Variants in AUTS2 observed in about 807,000 individuals in gnomAD.
The protein encoded by AUTS2 is activator of transcription and developmental regulator AUTS2, also known as autism susceptibility gene 2 protein.
A neutral mutation model predicts 112.4 loss-of-function variants in AUTS2; 17 were observed. The ratio of observed to expected loss-of-function variants is 0.15; its 90% confidence interval spans 0.10 to 0.23. The LOEUF is 0.23. AUTS2 is among the 10% of genes least tolerant of loss of function. The probability of loss-of-function intolerance (pLI) is 1.00; values close to 1 mark genes in which losing one functional copy is unlikely to be tolerated. For missense variants in AUTS2, 1,510 were observed against 1,701.6 expected (o/e 0.89, Z 1.98); for synonymous variants, 751 against 702.7 (o/e 1.07, Z -1.09).
chr7:69,913,381 A>G (rs2129542055), intron 2 of AUTS2, among the ~76,000 whole-genome samples: 1 of 152,334 alleles, frequency 6.6e-6, no homozygotes, highest in Middle Eastern at 3.4e-3. Flanking sequence ...AATAAGCATT[A>G]ATCAGGACTT....
intron 5 of AUTS2, among the ~76,000 whole-genome samples, chr7:70,479,909 C>T (rs575899049): frequency 4.6e-5 from 7 of 152,294 alleles, no homozygotes; most frequent in Admixed American, 1.3e-4. Flanking sequence ...TAGACGATAA[C>T]GAGGGTGATA....
At chr7:69,787,958 C>G (rs1481362199) in intron 1 of AUTS2, among the ~76,000 whole-genome samples, 1 of 152,178 alleles carries the variant, frequency 6.6e-6, no homozygotes, top group Non-Finnish European at 1.5e-5. Context: ...ACAGATTTTT[C>G]AGAGGGGCAT....
chr7:70,079,763 G>A (rs765759289), intron 2 of AUTS2, among the ~76,000 whole-genome samples: 2 of 152,048 alleles, frequency 1.3e-5, no homozygotes, highest in Non-Finnish European at 2.9e-5. Flanking sequence ...TTGGTAAACA[G>A]GATGTCTTAT....
chr7:70,784,793 T>C (rs1455626058), intron 15 of AUTS2, 149 bp from the exon 16 acceptor site: 6 of 544,844 alleles, frequency 1.1e-5, no homozygotes, highest in Non-Finnish European at 2.0e-5. Context: ...TCTTTTACCC[T>C]GTGTCTTGCC....
intron 4 of AUTS2, among the ~76,000 whole-genome samples, chr7:70,377,352 A>T (rs1358793426): frequency 3.4e-5 from 4 of 117,268 alleles, no homozygotes; most frequent in Non-Finnish European, 5.4e-5. Flanking sequence ...ATATATATAT[A>T]TATATATATA....
intron 5 of AUTS2, among the ~76,000 whole-genome samples, chr7:70,660,381 G>A (rs1807006946): frequency 6.6e-6 from 1 of 152,080 alleles, no homozygotes; most frequent in Non-Finnish European, 1.5e-5. Context: ...GGGCCCGGTC[G>A]CCATCTGTGT....
At chr7:70,016,946 G>A (rs1385248131) in intron 2 of AUTS2, among the ~76,000 whole-genome samples, 1 of 152,228 alleles carries the variant, frequency 6.6e-6, no homozygotes, top group Admixed American at 6.5e-5. Context: ...GGGATTACAG[G>A]CGTGAGCCAC....
At chr7:70,219,897 A>G (rs1162261184) in intron 4 of AUTS2, among the ~76,000 whole-genome samples, 1 of 152,120 alleles carries the variant, frequency 6.6e-6, no homozygotes, top group Non-Finnish European at 1.5e-5. Flanking sequence ...AGATCAAAGT[A>G]TGCATCAAAA....
chr7:70,301,927 G>A (rs919646264), intron 4 of AUTS2, among the ~76,000 whole-genome samples: 2 of 137,036 alleles, frequency 1.5e-5, no homozygotes, highest in Non-Finnish European at 3.1e-5. Flanking sequence ...CCTGTGTTTT[G>A]TTTTTTGTGG....
rs539327038 is a variant in AUTS2 at position 70,562,813 on chromosome 7, C to T, written c.690+127032C>T. On this transcript the variant is annotated intron_variant, in intron 5 of 18. Transcript: ENST00000342771. ...CAGTTGGAATAACTATAGGTGTTTACCTGGGGAATGAATGAATGAATGGAC... is the reference window on the plus strand; with the variant it reads ...CAGTTGGAATAACTATAGGTGTTTATCTGGGGAATGAATGAATGAATGGAC... 7.4e-4 allele frequency among the ~76,000 whole-genome samples: 113 copies of T among 152,208 alleles called. 1 individual carries two copies. In the South Asian group the frequency reaches 0.023, roughly 31 times the overall value.
At chr7:70,617,494 C>G (rs944886176) in intron 5 of AUTS2, among the ~76,000 whole-genome samples, 1 of 152,016 alleles carries the variant, frequency 6.6e-6, no homozygotes, top group Non-Finnish European at 1.5e-5. Flanking sequence ...AACCCCGTTT[C>G]TACCAAAAAT....
chr7:70,118,990 ATTT>A (rs397889485), intron 3 of AUTS2: 6 of 119,050 alleles, frequency 5.0e-5, no homozygotes, highest in Non-Finnish European at 5.2e-5. Flanking sequence ...ATATATCAGC[ATTT>A]TTTTTTTTTT....
At chr7:69,873,228 C>G (rs1793583353) in intron 1 of AUTS2, among the ~76,000 whole-genome samples, 2 of 152,118 alleles carry the variant, frequency 1.3e-5, no homozygotes, top group African/African-American at 2.4e-5. Context: ...TAACAGAGTG[C>G]AGTGCTTCAC....
intron 5 of AUTS2, among the ~76,000 whole-genome samples, chr7:70,664,705 A>G (rs1042152284): frequency 6.6e-6 from 1 of 152,198 alleles, no homozygotes; most frequent in Non-Finnish European, 1.5e-5. Context: ...CAGAGACACC[A>G]TGGATGCTGC....
intron 4 of AUTS2, among the ~76,000 whole-genome samples, chr7:70,433,416 C>T (rs1795755096): frequency 6.6e-6 from 1 of 152,170 alleles, no homozygotes; most frequent in African/African-American, 2.4e-5. Flanking sequence ...TTGAATTGAG[C>T]GTTGTCACTC....
chr7:69,956,850 G>A (rs12154427), intron 2 of AUTS2, among the ~76,000 whole-genome samples: 2,417 of 152,032 alleles, frequency 0.016, 23 homozygotes, highest in Middle Eastern at 0.031. Context: ...TTGGCAAAGA[G>A]AACAAGTGGT....
chr7:70,261,592 A>T (rs1378817066), intron 4 of AUTS2, among the ~76,000 whole-genome samples: 1 of 152,174 alleles, frequency 6.6e-6, no homozygotes, highest in East Asian at 1.9e-4. Context: ...TCTCTCTCTC[A>T]TGTATATCCT....
At chr7:70,777,202 A>T in intron 14 of AUTS2, 28 bp downstream of exon 14, 1 of 1,600,564 alleles carries the variant, frequency 6.2e-7, no homozygotes, top group South Asian at 1.1e-5. Context: ...GGTGTAGGGA[A>T]GAATGGGATG....
intron 1 of AUTS2, among the ~76,000 whole-genome samples, chr7:69,667,631 C>T (rs1796125696): frequency 6.6e-6 from 1 of 152,164 alleles, no homozygotes; most frequent in Non-Finnish European, 1.5e-5. Context: ...GCTAGGATTA[C>T]AGGTGTGAGC....
Sources: gnomAD v4.1 joint callset for allele counts (sites outside exome capture counted in the v4.1 genomes callset) on GRCh38, gnomAD v4.1.1 for gene constraint, MANE v1.5 for transcripts, NCBI Gene and HGNC (gene_info 2026-07-23, HGNC 2026-07-21) for gene names.